RNF220: variants seen among roughly 807,000 people sequenced by gnomAD.
The protein encoded by RNF220 is ring finger protein 220, also known as E3 ubiquitin-protein ligase RNF220.
In RNF220, 7 loss-of-function variants were observed where a neutral mutation model predicts 67.1. The ratio of observed to expected loss-of-function variants is 0.10; its 90% CI spans 0.06 to 0.20. The LOEUF is 0.20. Ranked by LOEUF, RNF220 falls within the 10% of genes least tolerant of loss-of-function variation. The probability of loss-of-function intolerance (pLI) is 1.00; values close to 1 mark genes in which losing one functional copy is unlikely to be tolerated. For missense variants in RNF220, 565 were observed against 740.3 expected, an observed-to-expected ratio of 0.76 and a Z score of 2.75; for synonymous variants, 270 against 283.2, an observed-to-expected ratio of 0.95 and a Z score of 0.47.
chr1:44,519,142 AAG>A (rs1408402977), intron 2 of RNF220, among the ~76,000 whole-genome samples: 3 of 152,166 alleles, frequency 2.0e-5, no homozygotes, highest in Non-Finnish European at 4.4e-5. Flanking sequence ...GAAATGAAAA[AAG>A]AGTTTAGTTT....
chr1:44,590,534 T>C (rs1267435464), intron 2 of RNF220, among the ~76,000 whole-genome samples: 2 of 152,240 alleles, frequency 1.3e-5, no homozygotes, highest in East Asian at 3.8e-4. Flanking sequence ...GGCTAGGTCT[T>C]GCATTGAACT....
chr1:44,493,173 T>C (rs1657008391), intron 2 of RNF220, among the ~76,000 whole-genome samples: 1 of 152,234 alleles, frequency 6.6e-6, no homozygotes, highest in African/African-American at 2.4e-5. Context: ...CAAAATTATT[T>C]AAATTGTTGT....
intron 2 of RNF220, among the ~76,000 whole-genome samples, chr1:44,484,676 C>T (rs1353730775): frequency 6.6e-6 from 1 of 152,062 alleles, no homozygotes; most frequent in Non-Finnish European, 1.5e-5. Flanking sequence ...AGGTGGGGTC[C>T]CTCGGTATTG....
intron 2 of RNF220, among the ~76,000 whole-genome samples, chr1:44,553,101 CTT>C (rs1206097526): frequency 6.6e-6 from 1 of 152,160 alleles, no homozygotes; most frequent in Non-Finnish European, 1.5e-5. Flanking sequence ...CAGATCTTAG[CTT>C]AGACTCATTT....
chr1:44,609,760 G>C (rs576281161), intron 2 of RNF220, among the ~76,000 whole-genome samples: 85 of 152,316 alleles, frequency 5.6e-4, no homozygotes, highest in African/African-American at 2.0e-3. Context: ...TCTCCTCCTC[G>C]ACAGGCCTGT....
intron 2 of RNF220, among the ~76,000 whole-genome samples, chr1:44,591,980 C>T (rs984883151): frequency 6.6e-6 from 1 of 152,152 alleles, no homozygotes; most frequent in African/African-American, 2.4e-5. Flanking sequence ...TCAAGCCGTC[C>T]CCCATCCTGT....
chr1:44,437,965 CA>C (rs769399288), intron 2 of RNF220, among the ~76,000 whole-genome samples: 1 of 152,128 alleles, frequency 6.6e-6, no homozygotes, highest in Non-Finnish European at 1.5e-5. Context: ...AGGCCTTAAA[CA>C]GAGACACTAA....
At chr1:44,548,743 C>T (rs1490467950) in intron 2 of RNF220, among the ~76,000 whole-genome samples, 1 of 152,158 alleles carries the variant, frequency 6.6e-6, no homozygotes, top group East Asian at 1.9e-4. Flanking sequence ...CCTCCTACTT[C>T]AGCCTCCCAA....
chr1:44,433,060 G>A (rs1417894310), intron 2 of RNF220, among the ~76,000 whole-genome samples: 1 of 152,004 alleles, frequency 6.6e-6, no homozygotes, highest in African/African-American at 2.4e-5. Flanking sequence ...CTCACAAGTA[G>A]CTGGGACTAC....
At chr1:44,478,541 G>C (rs1457562974) in intron 2 of RNF220, among the ~76,000 whole-genome samples, 1 of 151,984 alleles carries the variant, frequency 6.6e-6, no homozygotes, top group Non-Finnish European at 1.5e-5. Context: ...GGCCAACATG[G>C]TGAAAGCCCG....
chr1:44,470,271 G>T (rs1257825367), intron 2 of RNF220, among the ~76,000 whole-genome samples: 5 of 152,188 alleles, frequency 3.3e-5, no homozygotes, highest in Non-Finnish European at 1.5e-5. Context: ...TAAGATTTTG[G>T]CATGTGCAGT....
At chr1:44,488,968 T>C (rs1354872280) in intron 2 of RNF220, among the ~76,000 whole-genome samples, 5 of 152,174 alleles carry the variant, frequency 3.3e-5, no homozygotes, top group Non-Finnish European at 7.4e-5. Flanking sequence ...TGGCCTCAAG[T>C]GATCTGCCAG....
chr1:44,556,311 G>A (rs1663076559), intron 2 of RNF220, among the ~76,000 whole-genome samples: 1 of 150,622 alleles, frequency 6.6e-6, no homozygotes, highest in African/African-American at 2.5e-5. Flanking sequence ...TGAGATTACA[G>A]GTGTGAGCCA....
intron 2 of RNF220, among the ~76,000 whole-genome samples, chr1:44,571,974 A>G (rs576680237): frequency 2.0e-5 from 3 of 152,114 alleles, no homozygotes; most frequent in East Asian, 1.9e-4. Context: ...ACTTCCCTCC[A>G]TTTCCAAGGC....
At chr1:44,614,096 C>A in intron 2 of RNF220, 69 bp from the exon 3 acceptor site, 5 of 1,595,790 alleles carry the variant, frequency 3.1e-6, no homozygotes, top group Non-Finnish European at 4.3e-6. Context: ...GGTTTCAGGA[C>A]TGGGATGCTG....
chr1:44,459,812 A>T (rs1653584256), intron 2 of RNF220, among the ~76,000 whole-genome samples: 1 of 152,188 alleles, frequency 6.6e-6, no homozygotes, highest in African/African-American at 2.4e-5. Flanking sequence ...TGTCAAGTGT[A>T]TTAAAGAGGT....
At chr1:44,477,448 A>C (rs1201444954) in intron 2 of RNF220, among the ~76,000 whole-genome samples, 1 of 152,238 alleles carries the variant, frequency 6.6e-6, no homozygotes, top group East Asian at 1.9e-4. Context: ...AAGGCCTGCA[A>C]TGAGCAAGGA....
intron 2 of RNF220, among the ~76,000 whole-genome samples, chr1:44,563,122 G>A (rs1239278987): frequency 1.3e-5 from 2 of 152,216 alleles, no homozygotes; most frequent in African/African-American, 2.4e-5. Flanking sequence ...AGAAGCTGGG[G>A]AATATTTCTC....
At chr1:44,568,763 C>T (rs190566842) in intron 2 of RNF220, among the ~76,000 whole-genome samples, 10 of 152,284 alleles carry the variant, frequency 6.6e-5, no homozygotes, top group African/African-American at 2.2e-4. Flanking sequence ...CGAGCTCCCC[C>T]ACCAACATGT....
Sources: allele counts gnomAD v4.1 joint callset (sites outside exome capture counted in the v4.1 genomes callset), GRCh38; gene constraint gnomAD v4.1.1; transcripts MANE v1.5; gene names NCBI Gene and HGNC (gene_info 2026-07-23, HGNC 2026-07-21).